The following AFF3 variants were observed in gnomAD, a reference collection of about 807,000 sequenced individuals.
AFF3 encodes the protein AF4/FMR2 family member 3.
A neutral mutation model predicts 129.7 loss-of-function variants in AFF3; 32 were observed. The ratio of observed to expected loss-of-function variants is 0.25; its 90% CI spans 0.19 to 0.33. The LOEUF is 0.33. AFF3 is among the 10% of genes least tolerant of loss of function. The pLI, the probability that AFF3 is intolerant of heterozygous loss-of-function variation, is 1.00. For missense variants in AFF3, 1,373 were observed against 1,592.0 expected (o/e 0.86, Z 2.34); for synonymous variants, 644 against 635.4 (o/e 1.01, Z -0.20).
chr2:99,599,743 T>C (rs1162547641), intron 14 of AFF3, among the ~76,000 whole-genome samples: 1 of 152,204 alleles, frequency 6.6e-6, no homozygotes, highest in African/African-American at 2.4e-5. Context: ...CCTTGCACTG[T>C]CCCTGGGACG....
intron 10 of AFF3, among the ~76,000 whole-genome samples, chr2:99,739,730 T>C (rs1680554651): frequency 6.6e-6 from 1 of 152,200 alleles, no homozygotes; most frequent in African/African-American, 2.4e-5. Flanking sequence ...CCTAAAATAA[T>C]GAGTTAGTAA....
chr2:99,709,109 G>T (rs1488814048), intron 11 of AFF3, among the ~76,000 whole-genome samples: 1 of 152,220 alleles, frequency 6.6e-6, no homozygotes, highest in African/African-American at 2.4e-5. Context: ...CGGGTGCAGA[G>T]TCAGGTGCTC....
chr2:99,605,688 C>T (rs1680261133), intron 13 of AFF3, among the ~76,000 whole-genome samples: 1 of 152,182 alleles, frequency 6.6e-6, no homozygotes, highest in South Asian at 2.1e-4. Context: ...AAGCCACAAA[C>T]ACACACATAT....
At chr2:99,558,298 T>C (rs1246537365) in intron 22 of AFF3, among the ~76,000 whole-genome samples, 1 of 152,202 alleles carries the variant, frequency 6.6e-6, no homozygotes, top group Non-Finnish European at 1.5e-5. Flanking sequence ...AACGAGTAAC[T>C]GGATCTTCTT....
intron 7 of AFF3, among the ~76,000 whole-genome samples, chr2:99,928,068 C>T (rs1370271416): frequency 6.6e-6 from 1 of 152,222 alleles, no homozygotes; most frequent in Non-Finnish European, 1.5e-5. Flanking sequence ...CTCCTCCTTG[C>T]CTTCCGCCAT....
chr2:99,952,551 T>C (rs186242574), intron 7 of AFF3, among the ~76,000 whole-genome samples: 311 of 152,288 alleles, frequency 2.0e-3, no homozygotes, highest in Non-Finnish European at 3.7e-3. Context: ...CATGACTCGC[T>C]TTTCTTCCTT....
rs534940234 is a variant in AFF3, at chr2:99,950,097, T to C, written c.873+56535A>G. Among the ~76,000 whole-genome samples, 6 of 152,292 alleles carry C rather than the reference T, an allele frequency of 3.9e-5. No individual in the cohort carries two copies. The South Asian group carries it at 1.2e-3, about 32-fold the overall frequency. The stretch of plus-strand genomic sequence containing the variant: ...CCAATCTCTGACACTAGCTATTTGA[T>C]TTACAGGAGGCAGGCAACAACACAC... On this transcript the variant is annotated intron_variant, in intron 7 of 24. Coordinates refer to ENST00000672756, the MANE Select transcript of AFF3 (RefSeq NM_001386135.1).
chr2:99,587,836 C>T (rs1467618727), intron 15 of AFF3, among the ~76,000 whole-genome samples: 1 of 151,966 alleles, frequency 6.6e-6, no homozygotes, highest in Non-Finnish European at 1.5e-5. Flanking sequence ...ATGGTGAAAC[C>T]CCATCTCTAC....
Position 100,018,683 on chromosome 2 carries a change from T to G in AFF3, c.54-9751A>C, listed in dbSNP as rs1247294813. Among the ~76,000 whole-genome samples, 3 of 152,140 alleles carry G rather than the reference T, an allele frequency of 2.0e-5. No individual in the cohort carries two copies. The East Asian group carries it at 5.8e-4, about 30-fold the overall frequency. The stretch of plus-strand genomic sequence containing the variant: ...GTGCCTTGGGATGAAGCAATTACTC[T>G]GATTTACCATCTTCTCCTTGGTAGA... On this transcript the variant is annotated intron_variant, in intron 4 of 24. Transcript: ENST00000672756.
chr2:100,090,982 G>A lies in AFF3; in HGVS notation c.53+13420C>T, dbSNP rs377135152. Reference sequence around the variant, plus strand: ...TGGGATTACAGGCGTGAGCCACCACGCCCAGCCTATATCACATATATTTTA... The same window carrying A: ...TGGGATTACAGGCGTGAGCCACCACACCCAGCCTATATCACATATATTTTA... On this transcript the variant is annotated intron_variant, in intron 4 of 24. Coordinates refer to ENST00000672756, the MANE Select transcript of AFF3 (RefSeq NM_001386135.1). Among the ~76,000 whole-genome samples the A allele has an allele frequency of 2.6e-4, 40 of 152,252 alleles. No homozygotes were observed. The East Asian group carries it at 5.8e-3, about 22-fold the overall frequency.
intron 8 of AFF3, among the ~76,000 whole-genome samples, chr2:99,799,092 A>G (rs1437088658): frequency 1.3e-5 from 2 of 152,088 alleles, no homozygotes; most frequent in Non-Finnish European, 2.9e-5. Context: ...ATATAACCTG[A>G]AATTTAAAGA....
chr2:100,011,452 A>T, intron 4 of AFF3: 1 of 780,814 alleles, frequency 1.3e-6, no homozygotes, highest in Non-Finnish European at 2.4e-6. Flanking sequence ...GTCATTGAGA[A>T]TGATTTCTGG....
intron 7 of AFF3, among the ~76,000 whole-genome samples, chr2:99,852,347 A>AAAAAC (rs899338954): frequency 4.6e-5 from 7 of 152,180 alleles, no homozygotes; most frequent in Admixed American, 1.3e-4. Flanking sequence ...CGGTTTTTAG[A>AAAAAC]AAAACAAAAC....
chr2:100,011,416 C>G, intron 4 of AFF3: 1 of 777,618 alleles, frequency 1.3e-6, no homozygotes, highest in Middle Eastern at 2.3e-4. Context: ...ACGAAGTGGC[C>G]TCATGTAAGA....
At chr2:99,846,839 C>G (rs1315266935) in intron 7 of AFF3, among the ~76,000 whole-genome samples, 1 of 152,216 alleles carries the variant, frequency 6.6e-6, no homozygotes, top group Non-Finnish European at 1.5e-5. Flanking sequence ...CTTTATGGAT[C>G]TTTCTCTCCA....
intron 7 of AFF3, among the ~76,000 whole-genome samples, chr2:99,907,194 C>T (rs542671414): frequency 6.6e-6 from 1 of 152,154 alleles, no homozygotes; most frequent in Non-Finnish European, 1.5e-5. Context: ...AGTTACAACC[C>T]TTCCTCTTCA....
chr2:99,582,935 C>G lies in AFF3; in HGVS notation c.2656G>C (p.Ala886Pro), dbSNP rs780189437. ...LRSPISPLSD[A>P]SKHKYTSEDL... ...TCGCTGGTGTATTTGTGTTTAGATG[C>G]ATCAGAGAGGGGTGAGATGGGCGAC... is the stretch of plus-strand genomic sequence containing the variant. The change falls in exon 17 of 25, where the codon GCA (alanine) becomes CCA (proline). Residue 886 changes from alanine to proline, a missense_variant. Ala to Pro is a conservative substitution (Grantham distance 27, BLOSUM62 -1). This residue lies in a region of AFF3 where 466 missense variants were observed against 505.0 expected (regional missense o/e 0.92). Transcript: ENST00000672756. The G allele has an allele frequency of 8.4e-5, 135 of 1,613,980 alleles. No homozygotes were observed. The highest frequency in any genetic ancestry group is 1.1e-4 in the Non-Finnish European group (128 of 1,180,028).
intron 13 of AFF3, among the ~76,000 whole-genome samples, chr2:99,634,029 C>G (rs149768268): frequency 0.011 from 1,720 of 151,328 alleles, 30 homozygotes; most frequent in African/African-American, 0.039. Context: ...ATTCTCCTGC[C>G]TCAACCTCCC....
At chr2:99,806,354 CT>C (rs1011120288) in intron 8 of AFF3, among the ~76,000 whole-genome samples, 2 of 152,198 alleles carry the variant, frequency 1.3e-5, no homozygotes, top group Non-Finnish European at 1.5e-5. Context: ...AAAATAGCCC[CT>C]GCTCTCATGG....
Sources: gnomAD v4.1 joint callset for allele counts (sites outside exome capture counted in the v4.1 genomes callset) on GRCh38, gnomAD v4.1.1 for gene constraint, gnomAD v4.1.1 regional missense constraint, MANE v1.5 for transcripts, NCBI Gene and HGNC (gene_info 2026-07-23, HGNC 2026-07-21) for gene names.